Variants in PPP1R9A observed in about 807,000 individuals in gnomAD.
The protein encoded by PPP1R9A is protein phosphatase 1 regulatory subunit 9A.
A neutral mutation model predicts 141.9 loss-of-function variants in PPP1R9A; 59 were observed. That is an observed-to-expected ratio of 0.42 (90% CI 0.34 to 0.52). The LOEUF is 0.52. Among genes scored for constraint, PPP1R9A ranks in the 20% least tolerant of loss-of-function variants. The probability of loss-of-function intolerance (pLI) is 0.10; values close to 1 mark genes in which losing one functional copy is unlikely to be tolerated. For missense variants in PPP1R9A, 1,444 were observed against 1,611.9 expected (o/e 0.90, Z 1.78); for synonymous variants, 500 against 569.7 (o/e 0.88, Z 1.74).
intron 12 of PPP1R9A, among the ~76,000 whole-genome samples, chr7:95,261,952 A>T (rs1179241152): frequency 1.3e-5 from 2 of 152,192 alleles, no homozygotes; most frequent in African/African-American, 2.4e-5. Flanking sequence ...TTTTAGGGAA[A>T]TAACTATCAT....
intron 2 of PPP1R9A, among the ~76,000 whole-genome samples, chr7:95,044,427 A>C (rs1335737353): frequency 6.6e-6 from 1 of 152,236 alleles, no homozygotes; most frequent in Non-Finnish European, 1.5e-5. Flanking sequence ...CAGGAATATT[A>C]TCTCAAGTTT....
intron 2 of PPP1R9A, among the ~76,000 whole-genome samples, chr7:95,086,714 A>G (rs1018835387): frequency 1.4e-4 from 22 of 152,162 alleles, no homozygotes; most frequent in Middle Eastern, 6.8e-3. Flanking sequence ...CACTGATAAA[A>G]TATGTATACT....
intron 2 of PPP1R9A, among the ~76,000 whole-genome samples, chr7:95,001,846 AAAAC>A (rs973349259): frequency 2.0e-5 from 3 of 152,190 alleles, no homozygotes; most frequent in African/African-American, 7.2e-5. Flanking sequence ...GAAAAACAGA[AAAAC>A]AAACAAACAA....
chr7:94,909,706 CTTTTTT>C (rs34862598), intron 1 of PPP1R9A, among the ~76,000 whole-genome samples, 186 bp from the exon 2 acceptor site: 2 of 128,568 alleles, frequency 1.6e-5, no homozygotes, highest in South Asian at 5.0e-4. Flanking sequence ...GTGTTTGGAA[CTTTTTT>C]TTTTTTTTTT....
intron 2 of PPP1R9A, among the ~76,000 whole-genome samples, chr7:94,922,972 GACA>G (rs1246459023): frequency 6.6e-6 from 1 of 152,050 alleles, no homozygotes; most frequent in Admixed American, 6.5e-5. Context: ...TTATTTGGAG[GACA>G]ACATGTCACA....
At chr7:95,151,159 C>CAT (rs1828598456) in intron 4 of PPP1R9A, among the ~76,000 whole-genome samples, 2 of 152,138 alleles carry the variant, frequency 1.3e-5, no homozygotes, top group Admixed American at 1.3e-4. Context: ...AACTTTTGTC[C>CAT]ACACAAAAAC....
chr7:95,059,463 G>A (rs1411830354), intron 2 of PPP1R9A, among the ~76,000 whole-genome samples: 2 of 152,118 alleles, frequency 1.3e-5, no homozygotes, highest in African/African-American at 4.8e-5. Context: ...GAATAACCAA[G>A]TAGTAATAGG....
intron 5 of PPP1R9A, among the ~76,000 whole-genome samples, chr7:95,187,088 C>T (rs1834765289): frequency 2.0e-5 from 3 of 152,048 alleles, no homozygotes; most frequent in Non-Finnish European, 4.4e-5. Flanking sequence ...AAGGTTGGTA[C>T]CAATTATTCT....
chr7:95,006,694 C>T (rs548824451), intron 2 of PPP1R9A, among the ~76,000 whole-genome samples: 1 of 152,144 alleles, frequency 6.6e-6, no homozygotes, highest in African/African-American at 2.4e-5. Flanking sequence ...AAATTTACTA[C>T]ATTCTAATTA....
intron 2 of PPP1R9A, among the ~76,000 whole-genome samples, chr7:95,049,591 T>C (rs1256304870): frequency 6.6e-6 from 1 of 152,192 alleles, no homozygotes; most frequent in African/African-American, 2.4e-5. Context: ...TGTTGTATTT[T>C]TCATGGGTTT....
chr7:95,274,121 G>C lies in PPP1R9A; in HGVS notation c.3249G>C (p.Lys1083Asn), dbSNP rs1245748640. Reference sequence around the variant, plus strand: ...GAAGGAATTCCAGCAAGGGAAAGAAGTGGAAAGAAAAAGAAAAAGAAGCCA... The same window carrying C: ...GAAGGAATTCCAGCAAGGGAAAGAACTGGAAAGAAAAAGAAAAAGAAGCCA... ...PLRRNSSKGK[K>N]WKEKEKEASR... Residue 1083 changes from lysine to asparagine, a missense_variant, in exon 16 of 20, where the codon AAG becomes AAC. Transcript: ENST00000433360. 6.9e-6 allele frequency: 11 copies of C among 1,585,032 alleles called. No homozygotes were observed. Among genetic ancestry groups the C allele is most frequent in the Non-Finnish European group, 9.4e-6 (11 of 1,171,790 alleles).
intron 8 of PPP1R9A, among the ~76,000 whole-genome samples, chr7:95,231,253 T>A (rs780403192): frequency 4.6e-5 from 7 of 152,112 alleles, no homozygotes; most frequent in Non-Finnish European, 1.0e-4. Flanking sequence ...AATTTATTAC[T>A]GTTAGACCTA....
chr7:95,213,039 G>A (rs770821222), intron 7 of PPP1R9A, among the ~76,000 whole-genome samples: 41 of 152,200 alleles, frequency 2.7e-4, no homozygotes, highest in Admixed American at 1.8e-3. Context: ...GCCATACTCG[G>A]AGAAAATTCA....
intron 2 of PPP1R9A, among the ~76,000 whole-genome samples, chr7:94,988,418 T>C (rs1035209028): frequency 3.3e-5 from 5 of 152,068 alleles, no homozygotes; most frequent in African/African-American, 1.2e-4. Flanking sequence ...CTCAACAGTT[T>C]AGTAAGTTTT....
At chr7:94,988,196 A>G (rs1367225520) in intron 2 of PPP1R9A, among the ~76,000 whole-genome samples, 1 of 152,116 alleles carries the variant, frequency 6.6e-6, no homozygotes, top group Non-Finnish European at 1.5e-5. Flanking sequence ...TGGGAATATG[A>G]AGACATAACC....
intron 4 of PPP1R9A, among the ~76,000 whole-genome samples, chr7:95,152,061 C>T (rs1828796324): frequency 6.8e-6 from 1 of 147,676 alleles, no homozygotes; most frequent in African/African-American, 2.5e-5. Context: ...AAGCAATTCT[C>T]CTGCCTCACC....
intron 2 of PPP1R9A, among the ~76,000 whole-genome samples, chr7:94,989,386 A>G (rs1318474209): frequency 2.6e-5 from 4 of 152,142 alleles, no homozygotes; most frequent in Admixed American, 2.6e-4. Context: ...CCAAGTGGTC[A>G]GCAAACTGAC....
In PPP1R9A at chr7:95,290,884, G is replaced by A; in HGVS notation, c.*581G>A. On this transcript the variant is annotated 3_prime_UTR_variant, in exon 20 of 20. Coordinates refer to ENST00000433360, the MANE Select transcript of PPP1R9A (RefSeq NM_001166160.2). ...CTCTGCTCTGTAGTTACCTACTAAG[G>A]GAAAAGGCAAGCAAGTCATTCTGCT... 1 of 152,276 alleles carries A rather than the reference G, an allele frequency of 6.6e-6. No individual in the cohort carries two copies. Among genetic ancestry groups the A allele is most frequent in the Non-Finnish European group, 1.5e-5 (1 of 68,096 alleles). The allele number at this position is 152,276 out of a possible 1,614,324, so 9.4% of individuals were successfully genotyped here.
At chr7:95,177,583 A>G (rs1361645621) in intron 5 of PPP1R9A, among the ~76,000 whole-genome samples, 1 of 152,194 alleles carries the variant, frequency 6.6e-6, no homozygotes, top group Non-Finnish European at 1.5e-5. Context: ...TTAAAGAAAC[A>G]GAACAGCAGA....
Sources: gnomAD v4.1 joint callset for allele counts (sites outside exome capture counted in the v4.1 genomes callset) on GRCh38, gnomAD v4.1.1 for gene constraint, MANE v1.5 for transcripts, NCBI Gene and HGNC (gene_info 2026-07-23, HGNC 2026-07-21) for gene names.